ANK2: variants seen among roughly 807,000 people sequenced by gnomAD.
ANK2 encodes the protein ankyrin-2.
ANK2 carries 83 observed loss-of-function variants against 360.5 expected under a neutral mutation model. That is an observed-to-expected ratio of 0.23 (90% confidence interval 0.19 to 0.28). The LOEUF (loss-of-function observed/expected upper bound fraction) is 0.28, where lower values mean the gene tolerates loss of function less well. ANK2 is among the 10% of genes least tolerant of loss of function. The pLI is 1.00. For missense variants in ANK2, 4,201 were observed against 4,795.7 expected, an observed-to-expected ratio of 0.88 and a Z score of 3.66; for synonymous variants, 1,740 against 1,759.5, an observed-to-expected ratio of 0.99 and a Z score of 0.28.
upstream of ANK2, among the ~76,000 whole-genome samples, chr4:113,048,354 G>A (rs923538288): frequency 4.8e-5 from 6 of 124,770 alleles, no homozygotes; most frequent in Non-Finnish European, 9.5e-5. Context: ...TGCACTGGGG[G>A]CAATCTTGGC....
intron 2 of ANK2, among the ~76,000 whole-genome samples, chr4:113,188,149 G>T (rs2098570267): frequency 2.0e-5 from 3 of 152,080 alleles, no homozygotes; most frequent in Admixed American, 2.0e-4. Flanking sequence ...CATAGAATTT[G>T]GTTAGCAAAG....
chr4:112,881,916 T>A (rs2076799113), intron 1 of ANK2: 4 of 693,780 alleles, frequency 5.8e-6, no homozygotes, highest in Non-Finnish European at 1.1e-5. Flanking sequence ...CCCATCCACC[T>A]TGTGTGGCTT....
At chr4:112,800,363 A>G in the ANK2 span, among the ~76,000 whole-genome samples, 2 of 152,158 alleles carry the variant, frequency 1.3e-5, no homozygotes, top group African/African-American at 4.8e-5. Flanking sequence ...TAGTATATAT[A>G]CTAGTATAGT....
At position 113,175,966 on chromosome 4, in the gene ANK2, G is replaced by T. The variant is rs536151350; in HGVS notation, c.186+1449G>T. ...AGATACTTTTGGGAATAACAAGAAT[G>T]AAAGACTTTGGGATTGCTTTTTATC... On this transcript the variant is annotated intron_variant, in intron 2 of 45. Coordinates refer to ENST00000357077, the MANE Select transcript of ANK2 (RefSeq NM_001148.6). Among the ~76,000 whole-genome samples, 4 of 152,342 alleles carry T rather than the reference G, an allele frequency of 2.6e-5. No individual in the cohort carries two copies. In the South Asian group the frequency reaches 8.3e-4, roughly 32 times the overall value.
intron 1 of ANK2, among the ~76,000 whole-genome samples, chr4:113,104,397 GA>G (rs2093357440): frequency 6.6e-6 from 1 of 152,178 alleles, no homozygotes; most frequent in African/African-American, 2.4e-5. Flanking sequence ...TTGAAGAAGA[GA>G]AGAGAATTGT....
At chr4:112,939,889 CTTAGAG>C (rs1357132818) in intron 2 of ANK2, among the ~76,000 whole-genome samples, 1 of 152,100 alleles carries the variant, frequency 6.6e-6, no homozygotes, top group East Asian at 1.9e-4. Context: ...TGATGTAAAA[CTTAGAG>C]TTGTTTCAAC....
intron 1 of ANK2, among the ~76,000 whole-genome samples, chr4:112,867,673 T>TG (rs2071206922): frequency 1.2e-5 from 1 of 86,874 alleles, no homozygotes; most frequent in African/African-American, 4.1e-5. Flanking sequence ...TTTAAGTCTG[T>TG]TTTTTTTTTT....
intron 1 of ANK2, among the ~76,000 whole-genome samples, chr4:113,054,241 T>C (rs1232458506): frequency 6.6e-6 from 1 of 152,190 alleles, no homozygotes; most frequent in Non-Finnish European, 1.5e-5. Context: ...AAAATGGCTT[T>C]ATAGGATACC....
chr4:112,920,666 A>G (rs543653956), intron 2 of ANK2, among the ~76,000 whole-genome samples: 4 of 152,338 alleles, frequency 2.6e-5, no homozygotes, highest in Admixed American at 2.6e-4. Context: ...TTAGTTATAA[A>G]TAGTGTGCAG....
At chr4:113,042,781 C>T (rs1304988464) in intron 2 of ANK2, among the ~76,000 whole-genome samples, 1 of 152,160 alleles carries the variant, frequency 6.6e-6, no homozygotes, top group African/African-American at 2.4e-5. Context: ...TATTCTTTAA[C>T]TCCCACTTAC....
chr4:112,789,639 C>T, the ANK2 span, among the ~76,000 whole-genome samples: 1 of 152,032 alleles, frequency 6.6e-6, no homozygotes, highest in Admixed American at 6.5e-5. Context: ...TAAAGATGGC[C>T]AGTGATTTCC....
intron 1 of ANK2, among the ~76,000 whole-genome samples, chr4:113,144,677 A>G (rs2096762099): frequency 6.7e-6 from 1 of 150,014 alleles, no homozygotes; most frequent in African/African-American, 2.4e-5. Flanking sequence ...AGCTGTATGT[A>G]CATGCAAATA....
intron 1 of ANK2, among the ~76,000 whole-genome samples, chr4:112,837,542 C>T (rs2061254689): frequency 6.6e-6 from 1 of 152,220 alleles, no homozygotes; most frequent in African/African-American, 2.4e-5. Flanking sequence ...ACAGCTTGCA[C>T]TGTGTGCCTG....
chr4:112,857,963 G>A (rs6851158), intron 1 of ANK2, among the ~76,000 whole-genome samples: 2,866 of 152,242 alleles, frequency 0.019, 97 homozygotes, highest in African/African-American at 0.065. Flanking sequence ...TCAATAGGAA[G>A]TAGAACTAAG....
At chr4:113,081,997 T>A (rs1244979066) in intron 1 of ANK2, among the ~76,000 whole-genome samples, 1 of 152,048 alleles carries the variant, frequency 6.6e-6, no homozygotes, top group African/African-American at 2.4e-5. Flanking sequence ...TTAGTAGAGA[T>A]GGGGTTTCAC....
the ANK2 span, among the ~76,000 whole-genome samples, chr4:112,760,381 G>T: frequency 9.2e-5 from 14 of 152,052 alleles, no homozygotes; most frequent in Non-Finnish European, 1.5e-4. Context: ...TAAAGACAGG[G>T]TTTCACCGTG....
chr4:112,741,126 G>A, the ANK2 span, among the ~76,000 whole-genome samples: 2 of 151,940 alleles, frequency 1.3e-5, no homozygotes, highest in African/African-American at 4.8e-5. Context: ...CACCATGCCT[G>A]GCAAAAGTAT....
At chr4:112,791,734 GC>G in the ANK2 span, among the ~76,000 whole-genome samples, 1 of 151,634 alleles carries the variant, frequency 6.6e-6, no homozygotes, top group Non-Finnish European at 1.5e-5. Context: ...CTTGTGATCC[GC>G]CCACCTCGGC....
At chr4:113,207,948 G>A (rs1481974050) in intron 4 of ANK2, among the ~76,000 whole-genome samples, 1 of 152,174 alleles carries the variant, frequency 6.6e-6, no homozygotes, top group Non-Finnish European at 1.5e-5. Context: ...GATGAAGTGT[G>A]CTATGGGCAA....
Sources: allele counts gnomAD v4.1 joint callset (sites outside exome capture counted in the v4.1 genomes callset), GRCh38; gene constraint gnomAD v4.1.1; transcripts MANE v1.5; gene names NCBI Gene and HGNC (gene_info 2026-07-23, HGNC 2026-07-21).